The following LGR6 variants were observed in gnomAD, a reference collection of about 807,000 sequenced individuals.
The protein encoded by LGR6 is leucine-rich repeat-containing G protein-coupled receptor 6.
Under a neutral mutation model 69.4 loss-of-function variants are expected in LGR6, and 45 were observed. The ratio of observed to expected loss-of-function variants is 0.65; its 90% confidence interval spans 0.51 to 0.83. LGR6 has a LOEUF of 0.83. LGR6 is among the 40% of genes least tolerant of loss of function. The pLI, the probability that LGR6 is intolerant of heterozygous loss-of-function variation, is 0.00. For synonymous variants in LGR6, 538 were observed against 555.0 expected (o/e 0.97, Z 0.43); for missense variants, 1,108 against 1,246.7 (o/e 0.89, Z 1.68).
At chr1:202,195,310 G>A (rs1658598330) in intron 1 of LGR6, among the ~76,000 whole-genome samples, 1 of 152,188 alleles carries the variant, frequency 6.6e-6, no homozygotes, top group Non-Finnish European at 1.5e-5. Context: ...TAGGGGCCTA[G>A]CAAGAATTTG....
At chr1:202,204,686 C>A (rs1423104729) in intron 1 of LGR6, among the ~76,000 whole-genome samples, 6 of 108,248 alleles carry the variant, frequency 5.5e-5, no homozygotes, top group Non-Finnish European at 7.6e-5. Flanking sequence ...CAAACACACA[C>A]ACACCCCCAA....
chr1:202,309,733 A>G (rs1327122609), intron 15 of LGR6, among the ~76,000 whole-genome samples: 3 of 152,192 alleles, frequency 2.0e-5, no homozygotes, highest in African/African-American at 4.8e-5. Flanking sequence ...CAGCTCCAAT[A>G]TGCCCAGAGG....
intron 4 of LGR6, among the ~76,000 whole-genome samples, chr1:202,254,789 G>C (rs1000448292): frequency 6.6e-6 from 1 of 152,108 alleles, no homozygotes; most frequent in African/African-American, 2.4e-5. Context: ...CGCTGAATGA[G>C]GTGGCTCATG....
intron 1 of LGR6, chr1:202,197,039 G>A (rs1229213332): frequency 1.9e-6 from 1 of 533,344 alleles, no homozygotes; most frequent in Admixed American, 1.9e-5. Flanking sequence ...GCAGGCCAGA[G>A]AAGACTCGAA....
chr1:202,198,282 TACTA>T (rs1198097768), intron 1 of LGR6, among the ~76,000 whole-genome samples: 3 of 152,340 alleles, frequency 2.0e-5, no homozygotes, highest in Non-Finnish European at 4.4e-5. Flanking sequence ...AGCTATCACT[TACTA>T]ACTATGTAAC....
chr1:202,280,982 TA>T (rs1312032689), intron 6 of LGR6, 130 bp downstream of exon 6: 1 of 715,420 alleles, frequency 1.4e-6, no homozygotes, highest in Non-Finnish European at 2.3e-6. Flanking sequence ...CGGGCTTGTT[TA>T]CCCACATGCC....
intron 6 of LGR6, among the ~76,000 whole-genome samples, chr1:202,290,600 C>T (rs1018785151): frequency 9.2e-5 from 14 of 152,186 alleles, no homozygotes; most frequent in African/African-American, 2.4e-4. Context: ...GGGCCAGGCG[C>T]GGTGGCTCAC....
intron 3 of LGR6, among the ~76,000 whole-genome samples, chr1:202,233,164 A>G (rs1661231249): frequency 1.3e-5 from 2 of 152,202 alleles, no homozygotes; most frequent in South Asian, 4.1e-4. Context: ...CTGTGAGAAG[A>G]TGTTACAGTG....
intron 1 of LGR6, among the ~76,000 whole-genome samples, chr1:202,204,432 C>CACACACACACCTA (rs1658974164): frequency 2.0e-5 from 1 of 49,608 alleles, no homozygotes; most frequent in Non-Finnish European, 4.7e-5. Flanking sequence ...CACCTCCAAA[C>CACACACACACCTA]ACACACACAC....
In LGR6 at chr1:202,193,993, C is replaced by T. The variant is rs2147879973; in HGVS notation, c.4C>T (p.Pro2Ser). 8 of 1,371,574 alleles carry T rather than the reference C, an allele frequency of 5.8e-6. No homozygotes were observed. Among genetic ancestry groups the T allele is most frequent in the Non-Finnish European group, 7.5e-6 (8 of 1,064,442 alleles). 85.0% of individuals were successfully genotyped at this position (1,371,574 alleles called of 1,614,324 possible). Residue 2 changes from proline (P) to serine (S), a missense_variant, in exon 1 of 18, where the codon CCC becomes TCC. Transcript: ENST00000367278. The part of the protein sequence containing the change: M[P>S]SPPGLRALWL... ...CCCCAGTAGCCCGACCGCCGAGATG[C>T]CCAGCCCGCCGGGGCTCCGGGCGCT...
chr1:202,204,251 A>C (rs1437025251), intron 1 of LGR6, among the ~76,000 whole-genome samples: 2 of 140,456 alleles, frequency 1.4e-5, no homozygotes, highest in African/African-American at 2.6e-5. Flanking sequence ...ACACCTCCAC[A>C]CACAACCTCC....
At chr1:202,200,392 G>T (rs1658798011) in intron 1 of LGR6, among the ~76,000 whole-genome samples, 1 of 152,220 alleles carries the variant, frequency 6.6e-6, no homozygotes, top group Non-Finnish European at 1.5e-5. Context: ...TGTTGTGGGG[G>T]TTGGGGGCAG....
At chr1:202,236,965 T>C (rs1253810208) in intron 4 of LGR6, among the ~76,000 whole-genome samples, 1 of 152,138 alleles carries the variant, frequency 6.6e-6, no homozygotes, top group Non-Finnish European at 1.5e-5. Context: ...TTCTCATGAC[T>C]GATATTTAGG....
intron 1 of LGR6, among the ~76,000 whole-genome samples, chr1:202,202,077 G>A (rs1658858492): frequency 6.6e-6 from 1 of 152,126 alleles, no homozygotes; most frequent in South Asian, 2.1e-4. Context: ...GGTGGCCAGG[G>A]AAGGCCCAGG....
At chr1:202,311,715 G>C (rs1653734842) in intron 16 of LGR6, among the ~76,000 whole-genome samples, 1 of 152,174 alleles carries the variant, frequency 6.6e-6, no homozygotes, top group Non-Finnish European at 1.5e-5. Flanking sequence ...TAGCTCATAG[G>C]CTGTTGGGGA....
intron 1 of LGR6, 133 bp from the exon 2 acceptor site, chr1:202,225,284 CTGGCTT>C (rs1660431183): frequency 1.4e-6 from 1 of 735,588 alleles, no homozygotes; most frequent in African/African-American, 1.7e-5. Flanking sequence ...TGTTGTCAGA[CTGGCTT>C]TGGAGTCAGA....
At position 202,310,191 on chromosome 1, in the gene LGR6, C is replaced by G. The variant is rs146771876; in HGVS notation, c.1407-6C>G. 0.013 allele frequency: 21,000 copies of G among 1,613,508 alleles called. 163 individuals are homozygous for G. The highest frequency in any genetic ancestry group is 0.016 in the Non-Finnish European group (18,950 of 1,179,638). On this transcript the variant is annotated splice_region_variant and splice_polypyrimidine_tract_variant and intron_variant, in intron 15 of 17. Coordinates refer to ENST00000367278, the MANE Select transcript of LGR6 (RefSeq NM_001017403.2). The stretch of plus-strand genomic sequence containing the variant: ...GCAGCCAATCAGCCTGCCTCTCCCC[C>G]ACCAGGATCCTGGAGGTGCCTTATG...
At chr1:202,236,302 C>A in intron 4 of LGR6, 1 of 389,716 alleles carries the variant, frequency 2.6e-6, no homozygotes, top group African/African-American at 2.1e-5. Context: ...GGTGTTCTGC[C>A]ATTGGAGCCT....
chr1:202,215,690 G>C (rs2147925110), intron 1 of LGR6, among the ~76,000 whole-genome samples: 1 of 152,254 alleles, frequency 6.6e-6, no homozygotes, highest in East Asian at 1.9e-4. Flanking sequence ...TCAATCCCTT[G>C]TCCAGGACCC....
Sources: allele counts gnomAD v4.1 joint callset (sites outside exome capture counted in the v4.1 genomes callset), GRCh38; gene constraint gnomAD v4.1.1; transcripts MANE v1.5; gene names NCBI Gene and HGNC (gene_info 2026-07-23, HGNC 2026-07-21).